GRIN3A: variants seen among roughly 807,000 people sequenced by gnomAD.
GRIN3A encodes the protein glutamate ionotropic receptor NMDA type subunit 3A, also known as glutamate receptor ionotropic, NMDA 3A.
Under a neutral mutation model 92.4 loss-of-function variants are expected in GRIN3A, and 47 were observed. That is an observed-to-expected ratio of 0.51 (90% CI 0.40 to 0.65). The LOEUF (loss-of-function observed/expected upper bound fraction) is 0.65, where lower values mean the gene tolerates loss of function less well. Ranked by LOEUF, GRIN3A falls within the 30% of genes least tolerant of loss-of-function variation. GRIN3A has a pLI of 0.00. For missense variants in GRIN3A, 1,324 were observed against 1,393.1 expected, an observed-to-expected ratio of 0.95 and a Z score of 0.79; for synonymous variants, 527 against 540.6, an observed-to-expected ratio of 0.97 and a Z score of 0.35.
chr9:101,596,348 GT>G (rs139559121), intron 6 of GRIN3A, among the ~76,000 whole-genome samples: 1 of 152,076 alleles, frequency 6.6e-6, no homozygotes, highest in Non-Finnish European at 1.5e-5. Flanking sequence ...ATATTGGAAT[GT>G]TTTTTTGTTT....
rs564362376 is a variant in GRIN3A at position 101,599,478 on chromosome 9, C to A, written c.2766+13898G>T. Among the ~76,000 whole-genome samples, 4 of 152,214 alleles carry A rather than the reference C, an allele frequency of 2.6e-5. No homozygotes were observed. In the South Asian group the frequency reaches 8.3e-4, roughly 32 times the overall value. ...GACTCAACACCATTGTTTTGATTTT[C>A]TCTGTAAATGATTCTTAGTAATTTC... On this transcript the variant is annotated intron_variant, in intron 6 of 8. Coordinates refer to ENST00000361820, the MANE Select transcript of GRIN3A (RefSeq NM_133445.3).
chr9:101,689,452 TGAGA>T (rs1273488226), intron 1 of GRIN3A, among the ~76,000 whole-genome samples: 1 of 151,938 alleles, frequency 6.6e-6, no homozygotes, highest in Non-Finnish European at 1.5e-5. Flanking sequence ...CCAATAGGCA[TGAGA>T]GAGAGAGACA....
At chr9:101,707,797 T>G (rs1374831066) in intron 1 of GRIN3A, among the ~76,000 whole-genome samples, 1 of 152,190 alleles carries the variant, frequency 6.6e-6, no homozygotes, top group Non-Finnish European at 1.5e-5. Flanking sequence ...TTTGGCTTCC[T>G]TTTTGGAATA....
At chr9:101,644,893 C>T (rs1010559876) in intron 3 of GRIN3A, among the ~76,000 whole-genome samples, 3 of 151,690 alleles carry the variant, frequency 2.0e-5, no homozygotes, top group African/African-American at 7.3e-5. Flanking sequence ...AAAATAATTG[C>T]ACATATTTAT....
intron 3 of GRIN3A, among the ~76,000 whole-genome samples, chr9:101,646,264 G>A (rs79186016): frequency 0.031 from 4,680 of 151,766 alleles, 226 homozygotes; most frequent in African/African-American, 0.11. Context: ...TGAGAGATGG[G>A]GGTCTAGTTT....
At chr9:101,599,560 T>G (rs1184136862) in intron 6 of GRIN3A, among the ~76,000 whole-genome samples, 1 of 152,182 alleles carries the variant, frequency 6.6e-6, no homozygotes, top group African/African-American at 2.4e-5. Context: ...ATGTGGACTG[T>G]AGGACATTCA....
intron 3 of GRIN3A, among the ~76,000 whole-genome samples, chr9:101,647,459 CT>C (rs991756962): frequency 6.0e-5 from 9 of 151,046 alleles, no homozygotes; most frequent in South Asian, 2.1e-4. Flanking sequence ...TAATTTTCGC[CT>C]TTTTTTTGTG....
At chr9:101,695,590 G>T (rs1588287099) in intron 1 of GRIN3A, among the ~76,000 whole-genome samples, 1 of 152,252 alleles carries the variant, frequency 6.6e-6, no homozygotes, top group East Asian at 1.9e-4. Flanking sequence ...GGAAAGAGAG[G>T]AGGTGGCTGG....
chr9:101,688,277 A>G (rs1415588274), intron 1 of GRIN3A, among the ~76,000 whole-genome samples: 1 of 152,240 alleles, frequency 6.6e-6, no homozygotes, highest in African/African-American at 2.4e-5. Flanking sequence ...TTTATGCTGC[A>G]CTTTAAACTC....
intron 6 of GRIN3A, chr9:101,592,850 G>GA (rs1270492969): frequency 6.6e-6 from 1 of 151,418 alleles, no homozygotes; most frequent in Non-Finnish European, 1.5e-5. Context: ...TCCATGTCCT[G>GA]AAAAAAGTTA....
Position 101,583,350 on chromosome 9 carries a change from C to T in GRIN3A, c.2767-3990G>A, listed in dbSNP as rs944196174. On this transcript the variant is annotated intron_variant, in intron 6 of 8. Coordinates refer to ENST00000361820, the MANE Select transcript of GRIN3A (RefSeq NM_133445.3). ...ATCCACTATCATCTGCCTGTGAACACCAGAGAAAATGTTTCAATTGTGTCT... is the reference window on the plus strand; with the variant it reads ...ATCCACTATCATCTGCCTGTGAACATCAGAGAAAATGTTTCAATTGTGTCT... 3.9e-5 allele frequency among the ~76,000 whole-genome samples: 6 copies of T among 152,128 alleles called. No homozygotes were observed. The East Asian group carries it at 1.2e-3, about 29-fold the overall frequency.
chr9:101,579,138 C>T (rs1169344280), intron 7 of GRIN3A, 58 bp downstream of exon 7: 3 of 1,566,678 alleles, frequency 1.9e-6, no homozygotes, highest in East Asian at 4.5e-5. Flanking sequence ...CTGGATCCTC[C>T]CATCCCTAGG....
chr9:101,639,929 C>A (rs1828834045), intron 3 of GRIN3A, among the ~76,000 whole-genome samples: 2 of 152,102 alleles, frequency 1.3e-5, no homozygotes, highest in African/African-American at 4.8e-5. Context: ...CTTTATTTTT[C>A]TCTTAGGCTA....
At chr9:101,659,193 A>C (rs1234090094) in intron 3 of GRIN3A, among the ~76,000 whole-genome samples, 1 of 151,868 alleles carries the variant, frequency 6.6e-6, no homozygotes, top group Admixed American at 6.6e-5. Flanking sequence ...GAGTCCATTT[A>C]ACCTACATGA....
Position 101,738,168 on chromosome 9 carries a change from T to C in GRIN3A, c.-189A>G. The C allele has an allele frequency of 1.5e-6, 1 of 654,840 alleles. No individual in the cohort carries two copies. The highest frequency in any genetic ancestry group is 1.7e-5 in the South Asian group (1 of 58,188). The allele number at this position is 654,840 out of a possible 1,614,324, so 40.6% of individuals were successfully genotyped here. On this transcript the variant is annotated 5_prime_UTR_variant, in exon 1 of 9. Coordinates refer to ENST00000361820, the MANE Select transcript of GRIN3A (RefSeq NM_133445.3). Reference sequence around the variant, plus strand: ...GTAGCGCGCCTCCGGCAGTCTCAGATCCCGCTCCCAGGTCCCTCCGCCTGG... The same window carrying C: ...GTAGCGCGCCTCCGGCAGTCTCAGACCCCGCTCCCAGGTCCCTCCGCCTGG...
intron 4 of GRIN3A, among the ~76,000 whole-genome samples, chr9:101,623,890 C>T (rs932027889): frequency 2.0e-5 from 3 of 152,224 alleles, no homozygotes; most frequent in African/African-American, 4.8e-5. Context: ...CCAGGTTACA[C>T]AGCTAGTAAG....
At chr9:101,687,625 T>C (rs944514686) in intron 1 of GRIN3A, among the ~76,000 whole-genome samples, 11 of 152,214 alleles carry the variant, frequency 7.2e-5, no homozygotes, top group Admixed American at 5.2e-4. Flanking sequence ...TTAAAATTAA[T>C]GGCAGGAAAT....
At chr9:101,708,194 T>C (rs1434567670) in intron 1 of GRIN3A, among the ~76,000 whole-genome samples, 1 of 152,180 alleles carries the variant, frequency 6.6e-6, no homozygotes, top group East Asian at 1.9e-4. Context: ...GAATGAACGC[T>C]AATAGTAGTC....
chr9:101,679,027 T>C (rs1278468891), intron 2 of GRIN3A, among the ~76,000 whole-genome samples: 1 of 152,206 alleles, frequency 6.6e-6, no homozygotes, highest in Non-Finnish European at 1.5e-5. Context: ...CTCAATTCAT[T>C]CTGGCTCTTT....
Sources: gnomAD v4.1 joint callset for allele counts (sites outside exome capture counted in the v4.1 genomes callset) on GRCh38, gnomAD v4.1.1 for gene constraint, MANE v1.5 for transcripts, NCBI Gene and HGNC (gene_info 2026-07-23, HGNC 2026-07-21) for gene names.